CDC14A: variants seen among roughly 807,000 people sequenced by gnomAD.
The protein encoded by CDC14A is cell division cycle 14A.
CDC14A carries 53 observed loss-of-function variants against 74.4 expected under a neutral mutation model. The observed-to-expected ratio is 0.71, with a 90% CI of 0.57 to 0.89. The LOEUF (loss-of-function observed/expected upper bound fraction) is 0.89, where lower values mean the gene tolerates loss of function less well. CDC14A is among the 40% of genes least tolerant of loss of function. The pLI is 0.00. For missense variants in CDC14A, 646 were observed against 713.7 expected (o/e 0.91, Z 1.08); for synonymous variants, 247 against 258.4 (o/e 0.96, Z 0.43).
intron 2 of CDC14A, among the ~76,000 whole-genome samples, chr1:100,368,137 G>A (rs1653924626): frequency 6.6e-6 from 1 of 152,022 alleles, no homozygotes; most frequent in African/African-American, 2.4e-5. Flanking sequence ...TATGGTACTT[G>A]GTAATTTCTT....
intron 4 of CDC14A, among the ~76,000 whole-genome samples, chr1:100,397,384 T>C (rs920706714): frequency 6.6e-6 from 1 of 152,222 alleles, no homozygotes; most frequent in Non-Finnish European, 1.5e-5. Flanking sequence ...CAACACTCAG[T>C]GCAGTTTTGA....
At chr1:100,435,249 A>T (rs1051921730) in intron 5 of CDC14A, among the ~76,000 whole-genome samples, 6 of 152,326 alleles carry the variant, frequency 3.9e-5, no homozygotes, top group African/African-American at 1.4e-4. Flanking sequence ...AGAGGGTAGA[A>T]GGAAAATCCA....
At chr1:100,432,349 A>G (rs1044377780) in intron 5 of CDC14A, among the ~76,000 whole-genome samples, 1 of 152,218 alleles carries the variant, frequency 6.6e-6, no homozygotes, top group Non-Finnish European at 1.5e-5. Flanking sequence ...TATTTTGGGC[A>G]TTGTCTAGCT....
At chr1:100,468,326 T>A (rs1462502735) in intron 10 of CDC14A, among the ~76,000 whole-genome samples, 4 of 152,252 alleles carry the variant, frequency 2.6e-5, no homozygotes, top group African/African-American at 9.6e-5. Flanking sequence ...GAGCCATCTC[T>A]GCCTACCCTT....
intron 2 of CDC14A, among the ~76,000 whole-genome samples, chr1:100,361,583 ATGAG>A (rs1450582039): frequency 2.6e-5 from 4 of 152,204 alleles, no homozygotes; most frequent in Non-Finnish European, 4.4e-5. Context: ...GAATGAATGA[ATGAG>A]TGAGTAAGTG....
At chr1:100,518,167 G>T in intron 15 of CDC14A, 84 bp from the exon 16 acceptor site, 1 of 995,156 alleles carries the variant, frequency 1.0e-6, no homozygotes, top group South Asian at 1.3e-5. Flanking sequence ...AAGCTGTCTT[G>T]TGTGGAAGGG....
intron 15 of CDC14A, among the ~76,000 whole-genome samples, chr1:100,507,505 G>T: frequency 6.7e-6 from 1 of 149,566 alleles, no homozygotes; most frequent in South Asian, 2.1e-4. Context: ...TTGCTATGTT[G>T]CCCAGGTTGG....
intron 3 of CDC14A, among the ~76,000 whole-genome samples, chr1:100,386,550 C>T (rs1656897024): frequency 6.6e-6 from 1 of 152,118 alleles, no homozygotes; most frequent in African/African-American, 2.4e-5. Context: ...AATCCCTGCA[C>T]TTTGGGAGGC....
intron 10 of CDC14A, 24 bp downstream of exon 10, chr1:100,468,118 A>T: frequency 6.2e-7 from 1 of 1,612,868 alleles, no homozygotes; most frequent in Non-Finnish European, 8.5e-7. Context: ...CCCCATTACC[A>T]CATTATATCC....
chr1:100,359,518 T>C (rs1007534088), intron 2 of CDC14A, among the ~76,000 whole-genome samples: 1 of 152,214 alleles, frequency 6.6e-6, no homozygotes, highest in African/African-American at 2.4e-5. Flanking sequence ...AATGTGCCAC[T>C]GACAGTATAT....
chr1:100,464,464 G>T (rs772229857), intron 9 of CDC14A, among the ~76,000 whole-genome samples: 21 of 152,120 alleles, frequency 1.4e-4, no homozygotes, highest in Non-Finnish European at 2.8e-4. Context: ...GTTCAGTATT[G>T]CCCAGGTCCA....
At chr1:100,414,811 C>A (rs945274128) in intron 4 of CDC14A, among the ~76,000 whole-genome samples, 1 of 152,118 alleles carries the variant, frequency 6.6e-6, no homozygotes, top group Non-Finnish European at 1.5e-5. Flanking sequence ...GCTCAGCTTG[C>A]GTAAGACTAA....
At chr1:100,401,774 CA>C (rs781771950) in intron 4 of CDC14A, among the ~76,000 whole-genome samples, 4 of 152,148 alleles carry the variant, frequency 2.6e-5, no homozygotes, top group Admixed American at 6.5e-5. Context: ...CACGGTGGCT[CA>C]TGCCTGTAAT....
rs1234192479 is a variant in CDC14A at position 100,498,578 on chromosome 1, A to G, written c.1422-351A>G. ...AGTCATGTGATTGAATATGTACTTA[A>G]GTCTGCTTTTAATGCTCCCCTTACA... On this transcript the variant is annotated intron_variant, in intron 14 of 15. Coordinates refer to ENST00000336454, the MANE Select transcript of CDC14A (RefSeq NM_003672.4). Among the ~76,000 whole-genome samples the G allele has an allele frequency of 3.3e-5, 5 of 152,262 alleles. No individual in the cohort carries two copies. In the East Asian group the frequency reaches 5.8e-4, roughly 18 times the overall value.
At chr1:100,434,648 G>A (rs1330200670) in intron 5 of CDC14A, among the ~76,000 whole-genome samples, 1 of 152,178 alleles carries the variant, frequency 6.6e-6, no homozygotes, top group Non-Finnish European at 1.5e-5. Flanking sequence ...GGGAAAGAAA[G>A]GTGAGACTTC....
intron 13 of CDC14A, 143 bp from the exon 14 acceptor site, chr1:100,497,942 G>A: frequency 1.3e-6 from 1 of 753,650 alleles, no homozygotes; most frequent in Non-Finnish European, 2.1e-6. Context: ...TGCTGTGTCA[G>A]TGGTGGCTGC....
intron 15 of CDC14A, among the ~76,000 whole-genome samples, chr1:100,512,781 G>GA (rs1649892762): frequency 6.6e-6 from 1 of 152,112 alleles, no homozygotes; most frequent in African/African-American, 2.4e-5. Context: ...GAACACTATG[G>GA]AAAAATGCAC....
intron 2 of CDC14A, among the ~76,000 whole-genome samples, chr1:100,377,335 C>T (rs893537121): frequency 9.9e-5 from 15 of 152,132 alleles, no homozygotes; most frequent in East Asian, 7.7e-4. Flanking sequence ...CCACCGCGCC[C>T]GGCCACTAGT....
Position 100,488,837 on chromosome 1 carries a change from T to A in CDC14A, c.1137+4386T>A, listed in dbSNP as rs897848124. On this transcript the variant is annotated intron_variant, in intron 11 of 15. Transcript: ENST00000336454. The stretch of plus-strand genomic sequence containing the variant: ...ATTAAATCTCTAATGTCCTGCTTTT[T>A]AAGCACCTTTCTTTCCCCCATTATG... Among the ~76,000 whole-genome samples, 5 of 152,366 alleles carry A rather than the reference T, an allele frequency of 3.3e-5. No homozygotes were observed. In the East Asian group the frequency reaches 9.6e-4, roughly 29 times the overall value.
Sources: gnomAD v4.1 joint callset for allele counts (sites outside exome capture counted in the v4.1 genomes callset) on GRCh38, gnomAD v4.1.1 for gene constraint, MANE v1.5 for transcripts, NCBI Gene and HGNC (gene_info 2026-07-23, HGNC 2026-07-21) for gene names.